Variants in ABTB3 observed in about 807,000 individuals in gnomAD.
ABTB3 encodes the protein ankyrin repeat and BTB domain containing 3, also known as ankyrin repeat- and BTB/POZ domain-containing protein 3.
the ABTB3 span, among the ~76,000 whole-genome samples, chr12:107,569,265 G>T: frequency 6.6e-6 from 1 of 152,200 alleles, no homozygotes; most frequent in Non-Finnish European, 1.5e-5. Flanking sequence ...AAGAGATTCT[G>T]CTTGGTGTTT....
chr12:107,549,243 A>G, the ABTB3 span, among the ~76,000 whole-genome samples: 2 of 152,284 alleles, frequency 1.3e-5, no homozygotes, highest in African/African-American at 2.4e-5. Context: ...AACAGAGTTA[A>G]TAAAACAGAC....
At chr12:107,647,376 G>A in the ABTB3 span, among the ~76,000 whole-genome samples, 7 of 152,058 alleles carry the variant, frequency 4.6e-5, no homozygotes, top group Middle Eastern at 3.4e-3. Context: ...ACGGTGGTGC[G>A]TGCCTGTAGT....
chr12:107,363,321 AAGAG>A, the ABTB3 span, among the ~76,000 whole-genome samples: 1 of 152,250 alleles, frequency 6.6e-6, no homozygotes, highest in South Asian at 2.1e-4. Flanking sequence ...TTAGAGAACT[AAGAG>A]AGACACACTT....
At chr12:107,470,255 TC>T in the ABTB3 span, among the ~76,000 whole-genome samples, 1 of 151,828 alleles carries the variant, frequency 6.6e-6, no homozygotes, top group Non-Finnish European at 1.5e-5. Context: ...GCCAGGCTGG[TC>T]TTAAACTCCT....
the ABTB3 span, among the ~76,000 whole-genome samples, chr12:107,437,248 G>T: frequency 6.6e-6 from 1 of 152,088 alleles, no homozygotes; most frequent in South Asian, 2.1e-4. Context: ...TGTCAGCAAG[G>T]CAGCACCCAT....
the ABTB3 span, among the ~76,000 whole-genome samples, chr12:107,614,541 C>A: frequency 1.3e-5 from 2 of 152,086 alleles, no homozygotes; most frequent in Non-Finnish European, 2.9e-5. Context: ...ATGGTAGTGG[C>A]ATCTCATGCT....
At chr12:107,414,145 T>G in the ABTB3 span, among the ~76,000 whole-genome samples, 4 of 152,216 alleles carry the variant, frequency 2.6e-5, no homozygotes. Flanking sequence ...AATTTATTTT[T>G]AGACTGATTA....
At chr12:107,642,249 G>C in the ABTB3 span, 1 of 1,354,038 alleles carries the variant, frequency 7.4e-7, no homozygotes, top group South Asian at 1.2e-5. Flanking sequence ...TCAGCCTGAG[G>C]ATTGGCCACT....
chr12:107,620,776 G>A, the ABTB3 span, among the ~76,000 whole-genome samples: 1 of 152,204 alleles, frequency 6.6e-6, no homozygotes, highest in Non-Finnish European at 1.5e-5. Flanking sequence ...CAGCAACAGA[G>A]AAATGCAGCC....
the ABTB3 span, among the ~76,000 whole-genome samples, chr12:107,625,993 T>C: frequency 2.6e-5 from 4 of 152,202 alleles, no homozygotes; most frequent in African/African-American, 9.7e-5. Flanking sequence ...TTCTAGGCTA[T>C]CCCTTTAGTG....
the ABTB3 span, among the ~76,000 whole-genome samples, chr12:107,474,076 A>G: frequency 6.6e-6 from 1 of 151,974 alleles, no homozygotes; most frequent in Non-Finnish European, 1.5e-5. Context: ...GAGCCACTGC[A>G]CCCAGCCGAG....
chr12:107,476,812 AGT>A, the ABTB3 span, among the ~76,000 whole-genome samples: 273 of 148,374 alleles, frequency 1.8e-3, 2 homozygotes, highest in South Asian at 5.8e-3. Context: ...GAATGCATGA[AGT>A]GTGTGTGTGT....
chr12:107,543,807 G>A, the ABTB3 span: 1 of 772,180 alleles, frequency 1.3e-6, no homozygotes, highest in Non-Finnish European at 2.0e-6. Context: ...GTGACTTCAA[G>A]GTCCCATTGA....
chr12:107,651,725 G>A, the ABTB3 span: 1 of 1,614,182 alleles, frequency 6.2e-7, no homozygotes, highest in Non-Finnish European at 8.5e-7. Flanking sequence ...GCGACACTGT[G>A]AGATTATCTG....
chr12:107,550,531 A>AC, the ABTB3 span, among the ~76,000 whole-genome samples: 4 of 150,990 alleles, frequency 2.6e-5, no homozygotes, highest in African/African-American at 9.7e-5. Context: ...AACAACAACA[A>AC]AAAACTGACA....
the ABTB3 span, among the ~76,000 whole-genome samples, chr12:107,519,923 T>G: frequency 6.6e-6 from 1 of 152,128 alleles, no homozygotes; most frequent in African/African-American, 2.4e-5. Context: ...CCCATGGGTA[T>G]TCACCATACA....
At chr12:107,340,061 CTT>C in the ABTB3 span, among the ~76,000 whole-genome samples, 2 of 144,400 alleles carry the variant, frequency 1.4e-5, no homozygotes, top group Non-Finnish European at 3.0e-5. Context: ...TCTAACCAGA[CTT>C]TTTTTTTTTG....
chr12:107,518,096 A>G, the ABTB3 span, among the ~76,000 whole-genome samples: 1 of 152,224 alleles, frequency 6.6e-6, no homozygotes, highest in Non-Finnish European at 1.5e-5. Flanking sequence ...GCGATCATTA[A>G]AAAGTGAGGA....
the ABTB3 span, among the ~76,000 whole-genome samples, chr12:107,608,208 G>T: frequency 1.3e-5 from 2 of 152,098 alleles, no homozygotes; most frequent in African/African-American, 4.8e-5. Context: ...AGTAGCCACC[G>T]TCTCAACTCA....
Sources: gnomAD v4.1 joint callset for allele counts (sites outside exome capture counted in the v4.1 genomes callset) on GRCh38, gnomAD v4.1.1 for gene constraint, MANE v1.5 for transcripts, NCBI Gene and HGNC (gene_info 2026-07-23, HGNC 2026-07-21) for gene names.